The following TRPC4 variants were observed in gnomAD, a reference collection of about 807,000 sequenced individuals.
TRPC4 encodes short transient receptor potential channel 4.
Under a neutral mutation model 99.4 loss-of-function variants are expected in TRPC4, and 49 were observed. That is an observed-to-expected ratio of 0.49 (90% CI 0.39 to 0.63). The LOEUF (loss-of-function observed/expected upper bound fraction) is 0.63. Among genes scored for constraint, TRPC4 ranks in the 20% least tolerant of loss-of-function variants. The pLI, the probability that TRPC4 is intolerant of heterozygous loss-of-function variation, is 0.00. For synonymous variants in TRPC4, 454 were observed against 425.9 expected (o/e 1.07, Z -0.81); for missense variants, 898 against 1,152.9 (o/e 0.78, Z 3.20).
intron 1 of TRPC4, among the ~76,000 whole-genome samples, chr13:37,827,508 C>T (rs1405698427): frequency 6.6e-6 from 1 of 152,108 alleles, no homozygotes; most frequent in Non-Finnish European, 1.5e-5. Context: ...CCCTCAGCTG[C>T]AGGTCTGTTG....
chr13:37,772,345 C>T (rs1341413405), intron 2 of TRPC4, among the ~76,000 whole-genome samples: 1 of 151,592 alleles, frequency 6.6e-6, no homozygotes, highest in Non-Finnish European at 1.5e-5. Context: ...CATGCCCAAG[C>T]AAAGCCTAAG....
intron 1 of TRPC4, among the ~76,000 whole-genome samples, chr13:37,860,525 T>C (rs1186950211): frequency 1.3e-5 from 2 of 151,520 alleles, no homozygotes; most frequent in Admixed American, 1.3e-4. Context: ...TTTTCTTACA[T>C]AGACTAGGAA....
intron 1 of TRPC4, among the ~76,000 whole-genome samples, chr13:37,868,718 C>T (rs780655001): frequency 3.9e-5 from 6 of 151,966 alleles, no homozygotes; most frequent in Non-Finnish European, 8.8e-5. Flanking sequence ...AAGCAACTTG[C>T]TGCATTTTAT....
chr13:37,821,073 A>G (rs1957993470), intron 1 of TRPC4, among the ~76,000 whole-genome samples: 1 of 151,992 alleles, frequency 6.6e-6, no homozygotes, highest in Non-Finnish European at 1.5e-5. Context: ...GATCTGATAA[A>G]CAACTTCAGC....
intron 2 of TRPC4, among the ~76,000 whole-genome samples, chr13:37,756,592 G>A (rs1019957641): frequency 1.3e-5 from 2 of 150,280 alleles, no homozygotes; most frequent in Non-Finnish European, 3.0e-5. Flanking sequence ...GAGTGTAATG[G>A]CATGATCTTG....
intron 1 of TRPC4, among the ~76,000 whole-genome samples, chr13:37,811,875 G>A (rs1293656910): frequency 6.6e-6 from 1 of 151,874 alleles, no homozygotes; most frequent in Non-Finnish European, 1.5e-5. Context: ...TTTAATTCAA[G>A]ACCCTGGCCA....
rs533140158 is a variant in TRPC4, at chr13:37,649,264, C to T, written c.2079+2001G>A. On this transcript the variant is annotated intron_variant, in intron 8 of 10. Transcript: ENST00000379705. ...CTTGCATTTTTCCCATAACCTCTTT[C>T]ATGTGACTGTATTATAATGTTAAAT... is the stretch of plus-strand genomic sequence containing the variant. Among the ~76,000 whole-genome samples the T allele has an allele frequency of 5.9e-5, 9 of 152,282 alleles. No homozygotes were observed. In the South Asian group the frequency reaches 1.9e-3, roughly 32 times the overall value.
intron 3 of TRPC4, among the ~76,000 whole-genome samples, chr13:37,696,091 G>A (rs1466768016): frequency 6.6e-6 from 1 of 152,220 alleles, no homozygotes; most frequent in East Asian, 1.9e-4. Context: ...TCTCACAGTT[G>A]TGGTGGTAGG....
intron 1 of TRPC4, among the ~76,000 whole-genome samples, chr13:37,817,295 T>C (rs1160577275): frequency 6.6e-6 from 1 of 151,706 alleles, no homozygotes. Context: ...GAATAAAATA[T>C]CTAGGAATAT....
At chr13:37,789,234 T>C (rs1388668701) in intron 1 of TRPC4, among the ~76,000 whole-genome samples, 1 of 152,166 alleles carries the variant, frequency 6.6e-6, no homozygotes, top group Non-Finnish European at 1.5e-5. Flanking sequence ...CTGCCCAAAA[T>C]ACCAAACTAC....
At chr13:37,737,636 G>A (rs1424420785) in intron 3 of TRPC4, among the ~76,000 whole-genome samples, 1 of 151,978 alleles carries the variant, frequency 6.6e-6, no homozygotes, top group Non-Finnish European at 1.5e-5. Context: ...ACCATGCCCA[G>A]CTAAATTTTC....
At chr13:37,809,005 G>A (rs961935594) in intron 1 of TRPC4, among the ~76,000 whole-genome samples, 1 of 152,074 alleles carries the variant, frequency 6.6e-6, no homozygotes, top group African/African-American at 2.4e-5. Flanking sequence ...TGACTTCTGT[G>A]TTACAATTTA....
chr13:37,859,155 A>G (rs1036737296), intron 1 of TRPC4, among the ~76,000 whole-genome samples: 1 of 151,586 alleles, frequency 6.6e-6, no homozygotes, highest in Non-Finnish European at 1.5e-5. Context: ...GGATTCATAA[A>G]TGGGAAGAGA....
chr13:37,847,157 A>G (rs1383336996), intron 1 of TRPC4, among the ~76,000 whole-genome samples: 1 of 152,048 alleles, frequency 6.6e-6, no homozygotes, highest in Non-Finnish European at 1.5e-5. Context: ...AAATAAGGGA[A>G]CATGGACTTG....
At chr13:37,854,330 C>T (rs1429761910) in intron 1 of TRPC4, among the ~76,000 whole-genome samples, 1 of 152,042 alleles carries the variant, frequency 6.6e-6, no homozygotes, top group African/African-American at 2.4e-5. Flanking sequence ...TCCAGCAAAA[C>T]TATCCTTCAA....
chr13:37,840,160 T>A (rs1958693825), intron 1 of TRPC4, among the ~76,000 whole-genome samples: 1 of 152,156 alleles, frequency 6.6e-6, no homozygotes, highest in African/African-American at 2.4e-5. Flanking sequence ...ATAAATCACA[T>A]CAATTATTTA....
At chr13:37,686,652 A>AC (rs1301341144) in intron 4 of TRPC4, among the ~76,000 whole-genome samples, 2 of 152,222 alleles carry the variant, frequency 1.3e-5, no homozygotes, top group African/African-American at 4.8e-5. Flanking sequence ...TCTTGTTTAA[A>AC]AATTTGCTAA....
chr13:37,632,975 T>C lies in TRPC4; in HGVS notation c.*3928A>G, dbSNP rs577715961. Among the ~76,000 whole-genome samples, 68 of 152,260 alleles carry C rather than the reference T, an allele frequency of 4.5e-4. No homozygotes were observed. The highest frequency in any genetic ancestry group is 1.5e-3 in the African/African-American group (62 of 41,558). On this transcript the variant is annotated 3_prime_UTR_variant, in exon 11 of 11. Transcript: ENST00000379705. ...TATAATGTGATGCCTCATCCAAATA[T>C]CTAGATGAGGAGGTTTTTGTTTAAG...
At chr13:37,795,495 A>C (rs1286044449) in intron 1 of TRPC4, among the ~76,000 whole-genome samples, 2 of 152,098 alleles carry the variant, frequency 1.3e-5, no homozygotes, top group Non-Finnish European at 2.9e-5. Context: ...GAAAGCAGCA[A>C]GCTCTATCAG....
Sources: allele counts gnomAD v4.1 joint callset (sites outside exome capture counted in the v4.1 genomes callset), GRCh38; gene constraint gnomAD v4.1.1; transcripts MANE v1.5; gene names NCBI Gene and HGNC (gene_info 2026-07-23, HGNC 2026-07-21).